Variants in CNBD1 observed in about 807,000 individuals in gnomAD.
CNBD1 encodes the protein cyclic nucleotide-binding domain-containing protein 1.
In CNBD1, 71 loss-of-function variants were observed where a neutral mutation model predicts 54.4. The ratio of observed to expected loss-of-function variants is 1.30; its 90% CI spans 1.08 to 1.59. The LOEUF is 1.59. Ranked by LOEUF, CNBD1 falls within the 40% of genes most tolerant of loss-of-function variation. The pLI is 0.00. For missense variants in CNBD1, 659 were observed against 518.0 expected, an observed-to-expected ratio of 1.27 and a Z score of -2.64; for synonymous variants, 182 against 170.7, an observed-to-expected ratio of 1.07 and a Z score of -0.51.
At chr8:86,947,576 C>T (rs1300731133) in intron 4 of CNBD1, among the ~76,000 whole-genome samples, 1 of 152,014 alleles carries the variant, frequency 6.6e-6, no homozygotes, top group East Asian at 1.9e-4. Context: ...GATAATATTA[C>T]CATATTCTTG....
intron 6 of CNBD1, among the ~76,000 whole-genome samples, chr8:87,263,845 C>G (rs67817417): frequency 2.6e-5 from 4 of 151,802 alleles, no homozygotes; most frequent in Non-Finnish European, 5.9e-5. Flanking sequence ...AGAAGATATA[C>G]TAAGAGGAAA....
chr8:87,340,575 T>C (rs1212865621), intron 8 of CNBD1, among the ~76,000 whole-genome samples: 4 of 152,156 alleles, frequency 2.6e-5, no homozygotes, highest in Admixed American at 6.5e-5. Flanking sequence ...TCATTTAATT[T>C]TTCTTCACTC....
At chr8:87,127,596 C>T (rs747406389) in intron 4 of CNBD1, among the ~76,000 whole-genome samples, 3 of 151,982 alleles carry the variant, frequency 2.0e-5, no homozygotes, top group South Asian at 2.1e-4. Flanking sequence ...ATGTTGTCTG[C>T]GAATAAAGAC....
Position 87,233,169 on chromosome 8 carries a change from C to G in CNBD1, c.578-3750C>G, listed in dbSNP as rs76044454. Among the ~76,000 whole-genome samples, 6 of 152,220 alleles carry G rather than the reference C, an allele frequency of 3.9e-5. No homozygotes were observed. The East Asian group carries it at 1.2e-3, about 29-fold the overall frequency. ...TTTAAAATACATGTAGATAACTTAG[C>G]ATGACAATCTTTGATCTGGACGTTG... On this transcript the variant is annotated intron_variant, in intron 5 of 10. Transcript: ENST00000518476.
intron 8 of CNBD1, among the ~76,000 whole-genome samples, chr8:87,310,919 C>A (rs1809250421): frequency 6.6e-6 from 1 of 152,138 alleles, no homozygotes; most frequent in Admixed American, 6.6e-5. Flanking sequence ...AAAACTGGAC[C>A]CCTTCTTTTC....
chr8:87,010,932 A>G (rs1173965811), intron 4 of CNBD1, among the ~76,000 whole-genome samples: 1 of 152,072 alleles, frequency 6.6e-6, no homozygotes, highest in East Asian at 1.9e-4. Flanking sequence ...TTCTCCTACT[A>G]GTATTTATTA....
intron 8 of CNBD1, among the ~76,000 whole-genome samples, chr8:87,342,423 G>A (rs1469115601): frequency 6.6e-6 from 1 of 152,034 alleles, no homozygotes; most frequent in Admixed American, 6.6e-5. Flanking sequence ...ATTTCTCTCA[G>A]TTACTACATT....
chr8:87,313,559 A>G (rs1809314788), intron 8 of CNBD1, among the ~76,000 whole-genome samples: 1 of 152,008 alleles, frequency 6.6e-6, no homozygotes, highest in Admixed American at 6.6e-5. Context: ...ATGGAACCAT[A>G]GAATATCATT....
At chr8:87,314,315 A>T (rs1488765968) in intron 8 of CNBD1, among the ~76,000 whole-genome samples, 4 of 151,444 alleles carry the variant, frequency 2.6e-5, no homozygotes, top group African/African-American at 9.6e-5. Context: ...TCATTTTTTA[A>T]AAAAAAAGAT....
intron 6 of CNBD1, among the ~76,000 whole-genome samples, chr8:87,280,184 A>G (rs1808570881): frequency 6.6e-6 from 1 of 151,558 alleles, no homozygotes; most frequent in Non-Finnish European, 1.5e-5. Flanking sequence ...AGCATGTGAA[A>G]TATTATAAAA....
intron 4 of CNBD1, among the ~76,000 whole-genome samples, chr8:87,100,625 A>T (rs1323631652): frequency 6.6e-6 from 1 of 152,096 alleles, no homozygotes; most frequent in Non-Finnish European, 1.5e-5. Context: ...ACAGGCACCT[A>T]CTACCATGCC....
In CNBD1 at chr8:87,353,657, T is replaced by C. The variant is rs1456149533; in HGVS notation, c.1174T>C (p.Tyr392His). 6.3e-7 allele frequency: 1 copy of C among 1,590,866 alleles called. No homozygotes were observed. The highest frequency in any genetic ancestry group is 1.8e-5 in the Admixed American group (1 of 55,310). The change falls in exon 10 of 11, where the codon TAT becomes CAT. Residue 392 changes from tyrosine (Y) to histidine (H), a missense_variant. By Grantham distance (83) the Tyr-to-His change is moderately conservative (BLOSUM62 2). Coordinates refer to ENST00000518476, the MANE Select transcript of CNBD1 (RefSeq NM_173538.3). The part of the protein sequence containing the change: ...NKVKRSQKLV[Y>H]MGKLKEKESF... ...ACAGAAAAGATCTCAAAAACTTGTT[T>C]ATATGGGGAAACTTAAGGAGAAGGA...
intron 2 of CNBD1, among the ~76,000 whole-genome samples, chr8:87,400,041 G>A (rs1393226030): frequency 6.6e-6 from 1 of 151,900 alleles, no homozygotes; most frequent in Non-Finnish European, 1.5e-5. Context: ...CAGATAATCA[G>A]TGGTCACGGC....
chr8:87,284,829 TA>T lies in CNBD1; in HGVS notation c.909+16del. The T allele has an allele frequency of 6.5e-7, 1 of 1,535,102 alleles. No individual in the cohort carries two copies. Among genetic ancestry groups the T allele is most frequent in the Non-Finnish European group, 8.8e-7 (1 of 1,137,948 alleles). ...AAGATAAAGGAGGTAAGATGATATC[TA>T]ATATTTTATATAAACAAAAATTGGG... On this transcript the variant is annotated intron_variant, in intron 7 of 10. Coordinates refer to ENST00000518476, the MANE Select transcript of CNBD1 (RefSeq NM_173538.3).
chr8:87,216,734 C>G (rs529172962), intron 5 of CNBD1, among the ~76,000 whole-genome samples: 1 of 152,230 alleles, frequency 6.6e-6, no homozygotes, highest in African/African-American at 2.4e-5. Context: ...CTGAAGCCAA[C>G]CTTTAGCTTT....
intron 2 of CNBD1, among the ~76,000 whole-genome samples, chr8:87,409,574 A>G (rs534412707): frequency 3.3e-4 from 51 of 152,282 alleles, no homozygotes; most frequent in Middle Eastern, 3.4e-3. Context: ...GCCATCTTCA[A>G]CTTTCATAGC....
chr8:87,283,002 T>A (rs1808625697), intron 6 of CNBD1, among the ~76,000 whole-genome samples: 1 of 152,108 alleles, frequency 6.6e-6, no homozygotes, highest in Non-Finnish European at 1.5e-5. Context: ...TTATCACTTA[T>A]GTATCACCGT....
chr8:87,122,392 A>C (rs982410715), intron 4 of CNBD1, among the ~76,000 whole-genome samples: 4 of 151,850 alleles, frequency 2.6e-5, no homozygotes, highest in Non-Finnish European at 5.9e-5. Flanking sequence ...CCATTTTAAA[A>C]TTGGCTTTAT....
chr8:87,024,714 A>G (rs925553505), intron 4 of CNBD1, among the ~76,000 whole-genome samples: 2 of 152,130 alleles, frequency 1.3e-5, no homozygotes, highest in East Asian at 3.9e-4. Flanking sequence ...AGACATTTTG[A>G]TACTTTCAAC....
Sources: allele counts gnomAD v4.1 joint callset (sites outside exome capture counted in the v4.1 genomes callset), GRCh38; gene constraint gnomAD v4.1.1; transcripts MANE v1.5; gene names NCBI Gene and HGNC (gene_info 2026-07-23, HGNC 2026-07-21).